FBXL13: variants seen among roughly 807,000 people sequenced by gnomAD.
FBXL13 encodes F-box and leucine rich repeat protein 13.
Under a neutral mutation model 83.6 loss-of-function variants are expected in FBXL13, and 67 were observed. That is an observed-to-expected ratio of 0.80 (90% confidence interval 0.66 to 0.98). The LOEUF is 0.98. Among genes scored for constraint, FBXL13 ranks in the 50% least tolerant of loss-of-function variants. The pLI is 0.00. For synonymous variants in FBXL13, 272 were observed against 299.5 expected (o/e 0.91, Z 0.95); for missense variants, 822 against 866.5 (o/e 0.95, Z 0.64).
intron 10 of FBXL13, among the ~76,000 whole-genome samples, chr7:102,919,079 G>A (rs139024994): frequency 6.6e-6 from 1 of 152,260 alleles, no homozygotes; most frequent in African/African-American, 2.4e-5. Flanking sequence ...ACAGCTCATG[G>A]GAGTTGATTG....
chr7:102,960,154 T>C (rs1053671815), intron 8 of FBXL13, among the ~76,000 whole-genome samples: 3 of 151,970 alleles, frequency 2.0e-5, no homozygotes, highest in Admixed American at 6.6e-5. Flanking sequence ...TGATGATCCA[T>C]AGAAATACAA....
chr7:102,894,592 G>A (rs977681192), intron 11 of FBXL13, among the ~76,000 whole-genome samples: 1 of 151,928 alleles, frequency 6.6e-6, no homozygotes, highest in African/African-American at 2.4e-5. Flanking sequence ...ACCAGGCTTG[G>A]TAGCATGCGC....
chr7:102,820,453 C>A (rs1277245597), intron 19 of FBXL13, among the ~76,000 whole-genome samples: 2 of 152,128 alleles, frequency 1.3e-5, no homozygotes, highest in Non-Finnish European at 2.9e-5. Flanking sequence ...TCTTACTATG[C>A]CTTGTTTTAT....
At chr7:102,821,845 A>G (rs1166347528) in intron 19 of FBXL13, among the ~76,000 whole-genome samples, 195 bp downstream of exon 20, 1 of 152,204 alleles carries the variant, frequency 6.6e-6, no homozygotes, top group Non-Finnish European at 1.5e-5. Context: ...TAAAAGGCCT[A>G]CTGGAAAAGG....
At chr7:102,851,154 G>GTA (rs1032398196) in intron 17 of FBXL13, among the ~76,000 whole-genome samples, 1 of 152,126 alleles carries the variant, frequency 6.6e-6, no homozygotes, top group African/African-American at 2.4e-5. Flanking sequence ...TAACATTAGG[G>GTA]AGTTGCTTTA....
intron 17 of FBXL13, among the ~76,000 whole-genome samples, chr7:102,849,856 G>A (rs1311441806): frequency 6.6e-6 from 1 of 152,074 alleles, no homozygotes; most frequent in Non-Finnish European, 1.5e-5. Context: ...AAAGAAGGAT[G>A]AGAAATGATG....
intron 6 of FBXL13, among the ~76,000 whole-genome samples, chr7:102,976,585 T>C (rs1048019877): frequency 6.6e-6 from 1 of 152,016 alleles, no homozygotes; most frequent in Non-Finnish European, 1.5e-5. Context: ...TTATCCCCCA[T>C]CTGTAGTTAG....
At position 102,926,476 on chromosome 7, in the gene FBXL13, C is replaced by T. The variant is rs142703025; in HGVS notation, c.778-102G>A. On this transcript the variant is annotated intron_variant, in intron 9 of 19. Coordinates refer to ENST00000313221, the Ensembl canonical transcript of FBXL13. ...CCTCTTCCTGTTCCAGAAAAAAATA[C>T]ATGTAAGAGTTGGTTTCTTCATATT... 9 of 832,666 alleles carry T rather than the reference C, an allele frequency of 1.1e-5. No homozygotes were observed. The East Asian group carries it at 1.4e-4, about 13-fold the overall frequency. 51.6% of individuals were successfully genotyped at this position (832,666 alleles called of 1,614,324 possible).
intron 16 of FBXL13, among the ~76,000 whole-genome samples, chr7:102,873,798 A>C (rs920952133): frequency 5.9e-5 from 9 of 152,084 alleles, no homozygotes; most frequent in African/African-American, 2.2e-4. Flanking sequence ...TTGATATCTC[A>C]CACTTTTAAA....
chr7:102,884,090 A>AT (rs1366500668), intron 12 of FBXL13, 124 bp downstream of exon 13: 14 of 708,044 alleles, frequency 2.0e-5, no homozygotes, highest in Non-Finnish European at 3.3e-5. Context: ...CTTTTCAATG[A>AT]TTTTATTACT....
Position 102,884,405 on chromosome 7 carries a change from A to G in FBXL13, c.1009-93T>C, listed in dbSNP as rs138485936. The G allele has an allele frequency of 9.7e-4, 864 of 891,156 alleles. 6 individuals are homozygous for G. The African/African-American group carries it at 0.014, about 14-fold the overall frequency. 55.2% of individuals were successfully genotyped at this position (891,156 alleles called of 1,614,324 possible). ...ACCAAAGATACACCATAATTTTGTT[A>G]CTATGTTTTAAAATTAACCATAAAA... On this transcript the variant is annotated intron_variant, in intron 11 of 19. Coordinates refer to ENST00000313221, the Ensembl canonical transcript of FBXL13.
At chr7:103,043,332 A>G (rs1338626444) in intron 2 of FBXL13, among the ~76,000 whole-genome samples, 1 of 152,210 alleles carries the variant, frequency 6.6e-6, no homozygotes, top group Non-Finnish European at 1.5e-5. Flanking sequence ...CAGATGCTGG[A>G]GAGGATGTGG....
intron 5 of FBXL13, 67 bp from the exon 7 acceptor site, chr7:103,025,297 A>G: frequency 4.0e-6 from 4 of 998,176 alleles, no homozygotes; most frequent in Non-Finnish European, 5.9e-6. Context: ...GACAGACACA[A>G]AGCACAGTGC....
chr7:102,922,225 A>G (rs1817194940), intron 10 of FBXL13, among the ~76,000 whole-genome samples: 1 of 151,764 alleles, frequency 6.6e-6, no homozygotes, highest in African/African-American at 2.4e-5. Context: ...AAATAAATAA[A>G]CATTACTGAG....
At chr7:102,932,513 A>G (rs1819379681) in intron 8 of FBXL13, among the ~76,000 whole-genome samples, 1 of 2,104 alleles carries the variant, frequency 4.8e-4, no homozygotes. Context: ...TTCAACATGT[A>G]TATCATAAAT....
intron 11 of FBXL13, among the ~76,000 whole-genome samples, chr7:102,887,262 T>G (rs1810919307): frequency 1.3e-5 from 2 of 152,182 alleles, no homozygotes; most frequent in Non-Finnish European, 1.5e-5. Flanking sequence ...GAGGCTGCAC[T>G]TGAACAAGAC....
At chr7:102,853,914 C>T (rs1439389835) in intron 17 of FBXL13, among the ~76,000 whole-genome samples, 1 of 152,176 alleles carries the variant, frequency 6.6e-6, no homozygotes, top group Non-Finnish European at 1.5e-5. Flanking sequence ...CACTTTTACA[C>T]TGTCGGTGGG....
At chr7:102,957,049 A>G (rs1263135374) in intron 8 of FBXL13, among the ~76,000 whole-genome samples, 2 of 152,094 alleles carry the variant, frequency 1.3e-5, no homozygotes, top group Non-Finnish European at 2.9e-5. Flanking sequence ...AAGTTTATAT[A>G]GAATGAAAAA....
At chr7:103,066,036 A>G (rs1286239208) in intron 1 of FBXL13, among the ~76,000 whole-genome samples, 1 of 152,240 alleles carries the variant, frequency 6.6e-6, no homozygotes, top group East Asian at 1.9e-4. Flanking sequence ...CAGCACTGAC[A>G]AGGCTTAACA....
Sources: gnomAD v4.1 joint callset for allele counts (sites outside exome capture counted in the v4.1 genomes callset) on GRCh38, gnomAD v4.1.1 for gene constraint, MANE v1.5 for transcripts, NCBI Gene and HGNC (gene_info 2026-07-23, HGNC 2026-07-21) for gene names.